TEKTL1: variants seen among roughly 807,000 people sequenced by gnomAD.
TEKTL1 encodes the protein tektin like 1, also known as tektin-like protein 1.
chr19:15,021,554 G>C, the TEKTL1 span: 4 of 1,613,398 alleles, frequency 2.5e-6, no homozygotes, highest in Non-Finnish European at 2.5e-6. Context: ...GGCCAGGGTG[G>C]GACAGGGGAG....
chr19:15,013,118 G>A, the TEKTL1 span, among the ~76,000 whole-genome samples: 2 of 152,050 alleles, frequency 1.3e-5, no homozygotes, highest in Non-Finnish European at 2.9e-5. Context: ...TACCAGTCCT[G>A]GTGAAATCTT....
At chr19:15,021,359 C>CG in the TEKTL1 span, 6 of 1,614,154 alleles carry the variant, frequency 3.7e-6, no homozygotes, top group Non-Finnish European at 4.2e-6. Flanking sequence ...GCAGCGTGCG[C>CG]CTTGGCGCTA....
At chr19:15,018,734 C>A in the TEKTL1 span, among the ~76,000 whole-genome samples, 2 of 46,808 alleles carry the variant, frequency 4.3e-5, no homozygotes, top group Non-Finnish European at 1.1e-4. Context: ...ATATATATAA[C>A]TTCCCTGGAT....
At chr19:15,013,805 G>A in the TEKTL1 span, 1 of 1,441,670 alleles carries the variant, frequency 6.9e-7, no homozygotes, top group Non-Finnish European at 9.7e-7. Flanking sequence ...CAAGTTACGG[G>A]GGCTGGAGGG....
At chr19:15,021,609 C>T in the TEKTL1 span, 3 of 1,613,442 alleles carry the variant, frequency 1.9e-6, no homozygotes, top group Admixed American at 5.0e-5. Flanking sequence ...CGCTTCCCTG[C>T]CCCCAGGAAA....
At chr19:15,011,114 A>G in the TEKTL1 span, 1 of 1,557,312 alleles carries the variant, frequency 6.4e-7, no homozygotes, top group Non-Finnish European at 8.6e-7. Flanking sequence ...CACGCTGTGG[A>G]AGGGCAAGAT....
chr19:15,018,676 G>A, the TEKTL1 span, among the ~76,000 whole-genome samples: 1 of 124,532 alleles, frequency 8.0e-6, no homozygotes, highest in Non-Finnish European at 1.8e-5. Flanking sequence ...TCATGCCACT[G>A]CACTCCAGCC....
chr19:15,021,876 G>C, the TEKTL1 span: 1 of 1,614,032 alleles, frequency 6.2e-7, no homozygotes, highest in South Asian at 1.1e-5. Context: ...ATGTACCAGA[G>C]ACACGTGGGC....
At chr19:15,022,056 A>C in the TEKTL1 span, 1 of 705,250 alleles carries the variant, frequency 1.4e-6, no homozygotes, top group Non-Finnish European at 2.4e-6. Flanking sequence ...CGAAGTGGGG[A>C]GGCGGGGGCT....
chr19:15,013,534 C>A, the TEKTL1 span: 2 of 627,834 alleles, frequency 3.2e-6, no homozygotes, highest in Non-Finnish European at 5.5e-6. Flanking sequence ...ACACCCCACC[C>A]AAAGGATGAG....
chr19:15,011,490 T>C, the TEKTL1 span: 1 of 1,149,500 alleles, frequency 8.7e-7, no homozygotes, highest in Non-Finnish European at 1.1e-6. Context: ...TTTCCATACT[T>C]TGGGAGGCCA....
chr19:15,010,981 C>A, the TEKTL1 span: 51 of 1,593,066 alleles, frequency 3.2e-5, no homozygotes, highest in African/African-American at 6.0e-4. Context: ...CCAAGGACAG[C>A]GTGCTGGACC....
At chr19:15,010,891 C>T in the TEKTL1 span, 4 of 1,565,194 alleles carry the variant, frequency 2.6e-6, no homozygotes, top group Non-Finnish European at 3.5e-6. Flanking sequence ...CAGCATGGCG[C>T]GAGGCAGCTC....
the TEKTL1 span, chr19:15,013,669 T>TAAA: frequency 6.2e-7 from 1 of 1,609,698 alleles, no homozygotes; most frequent in African/African-American, 1.3e-5. Context: ...CCTCGTTTTC[T>TAAA]AGGTCCCTGA....
the TEKTL1 span, chr19:15,023,154 G>C: frequency 2.6e-6 from 4 of 1,537,390 alleles, no homozygotes; most frequent in South Asian, 1.3e-5. Flanking sequence ...CCAGCTGATT[G>C]GATGCTGGCT....
the TEKTL1 span, among the ~76,000 whole-genome samples, chr19:15,013,442 GC>G: frequency 6.6e-6 from 1 of 151,970 alleles, no homozygotes; most frequent in Non-Finnish European, 1.5e-5. Flanking sequence ...AAAGAGAGAC[GC>G]CCCCAACCTC....
chr19:15,021,342 G>T, the TEKTL1 span: 3 of 1,612,860 alleles, frequency 1.9e-6, no homozygotes, highest in South Asian at 2.2e-5. Flanking sequence ...GCGCATCCTG[G>T]GCATTTGCAG....
At chr19:15,015,529 A>ATTCTACCC in the TEKTL1 span, among the ~76,000 whole-genome samples, 1 of 151,784 alleles carries the variant, frequency 6.6e-6, no homozygotes, top group Non-Finnish European at 1.5e-5. Flanking sequence ...CAATCCTATA[A>ATTCTACCC]TTCCACCCTT....
the TEKTL1 span, chr19:15,020,759 A>C: frequency 1.0e-6 from 1 of 1,000,452 alleles, no homozygotes; most frequent in South Asian, 1.6e-5. Flanking sequence ...CCTGGGAAAT[A>C]GCCCTAGAGT....
Sources: allele counts gnomAD v4.1 joint callset (sites outside exome capture counted in the v4.1 genomes callset), GRCh38; gene constraint gnomAD v4.1.1; transcripts MANE v1.5; gene names NCBI Gene and HGNC (gene_info 2026-07-23, HGNC 2026-07-21).